The following SMYD3 variants were observed in gnomAD, a reference collection of about 807,000 sequenced individuals.
SMYD3 encodes histone-lysine N-methyltransferase SMYD3.
A neutral mutation model predicts 57.7 loss-of-function variants in SMYD3; 36 were observed. The observed-to-expected ratio is 0.62, with a 90% CI of 0.48 to 0.82. The LOEUF (loss-of-function observed/expected upper bound fraction) is 0.82. Ranked by LOEUF, SMYD3 falls within the 40% of genes least tolerant of loss-of-function variation. SMYD3 has a pLI of 0.00. For synonymous variants in SMYD3, 211 were observed against 195.0 expected (o/e 1.08, Z -0.68); for missense variants, 515 against 538.8 (o/e 0.96, Z 0.44).
At chr1:246,017,632 T>C (rs2059400299) in intron 5 of SMYD3, among the ~76,000 whole-genome samples, 1 of 152,296 alleles carries the variant, frequency 6.6e-6, no homozygotes, top group African/African-American at 2.4e-5. Context: ...CTTCAATCAG[T>C]CTTATTACTG....
chr1:246,240,233 T>G (rs530988608), intron 5 of SMYD3, among the ~76,000 whole-genome samples: 127 of 152,342 alleles, frequency 8.3e-4, no homozygotes, highest in African/African-American at 2.9e-3. Flanking sequence ...GGTCTAACAT[T>G]TAAGTCTTTA....
chr1:246,363,346 G>T (rs2066037994), intron 1 of SMYD3, among the ~76,000 whole-genome samples: 1 of 147,414 alleles, frequency 6.8e-6, no homozygotes, highest in South Asian at 2.2e-4. Flanking sequence ...GGAGGTGAGG[G>T]GCGCCTCTGC....
At chr1:245,781,747 G>T (rs971733014) in intron 10 of SMYD3, among the ~76,000 whole-genome samples, 1 of 152,140 alleles carries the variant, frequency 6.6e-6, no homozygotes, top group Non-Finnish European at 1.5e-5. Context: ...TTGGGAGGCC[G>T]AGCACTGGGG....
At chr1:245,966,200 C>T (rs556830282) in intron 5 of SMYD3, among the ~76,000 whole-genome samples, 1 of 152,222 alleles carries the variant, frequency 6.6e-6, no homozygotes, top group Admixed American at 6.5e-5. Flanking sequence ...GAGACAGGGT[C>T]TCACTCTGTT....
intron 5 of SMYD3, among the ~76,000 whole-genome samples, chr1:246,320,404 G>A (rs891379577): frequency 1.3e-5 from 2 of 152,070 alleles, no homozygotes; most frequent in African/African-American, 4.8e-5. Context: ...GAAAGAAGGA[G>A]AGAACATCTT....
intron 1 of SMYD3, among the ~76,000 whole-genome samples, chr1:246,498,251 C>A (rs2068395148): frequency 6.6e-6 from 1 of 152,044 alleles, no homozygotes; most frequent in Admixed American, 6.5e-5. Flanking sequence ...GAGCAATATG[C>A]ACAATTGCAA....
intron 1 of SMYD3, among the ~76,000 whole-genome samples, chr1:246,384,551 A>G (rs1464560732): frequency 2.0e-5 from 3 of 151,988 alleles, no homozygotes; most frequent in Admixed American, 6.6e-5. Flanking sequence ...GCCCGCCACC[A>G]CGCCCGGCTA....
At chr1:246,298,405 T>C (rs1474836646) in intron 5 of SMYD3, among the ~76,000 whole-genome samples, 1 of 152,160 alleles carries the variant, frequency 6.6e-6, no homozygotes, top group Non-Finnish European at 1.5e-5. Flanking sequence ...TAATGCCTAA[T>C]GAACTCATTT....
At position 245,766,725 on chromosome 1, in the gene SMYD3, A is replaced by G. The variant is rs140010188; in HGVS notation, c.1077-2576T>C. 6.5e-3 allele frequency among the ~76,000 whole-genome samples: 997 copies of G among 152,302 alleles called. 11 individuals carry two copies. Among genetic ancestry groups the G allele is most frequent in the African/African-American group, 0.022 (899 of 41,552 alleles). On this transcript the variant is annotated intron_variant, in intron 10 of 11. Coordinates refer to ENST00000490107, the MANE Select transcript of SMYD3 (RefSeq NM_001167740.2). ...AACTTAAAGGCCAAAAAGTGATCTTACACTAATCATCACTCCACTAAGTAG... is the reference window on the plus strand; with the variant it reads ...AACTTAAAGGCCAAAAAGTGATCTTGCACTAATCATCACTCCACTAAGTAG...
chr1:246,096,731 C>T (rs1376518090), intron 5 of SMYD3, among the ~76,000 whole-genome samples: 7 of 152,178 alleles, frequency 4.6e-5, no homozygotes, highest in Admixed American at 6.5e-5. Flanking sequence ...AAAGGATTCA[C>T]GGTTCTTGCA....
chr1:246,363,895 G>A (rs2066052637), intron 1 of SMYD3, among the ~76,000 whole-genome samples: 1 of 151,716 alleles, frequency 6.6e-6, no homozygotes, highest in African/African-American at 2.4e-5. Context: ...CCCCCTCTGT[G>A]AGAAACACCC....
chr1:245,889,240 A>G (rs548339322), intron 8 of SMYD3, among the ~76,000 whole-genome samples: 3 of 152,218 alleles, frequency 2.0e-5, no homozygotes, highest in African/African-American at 7.2e-5. Flanking sequence ...AGATAAGGGG[A>G]AAATGTACTT....
At chr1:246,188,167 C>T (rs1247517247) in intron 5 of SMYD3, among the ~76,000 whole-genome samples, 2 of 152,128 alleles carry the variant, frequency 1.3e-5, no homozygotes, top group African/African-American at 4.8e-5. Context: ...AGAATGTTGT[C>T]GTGTCTGGCA....
chr1:246,060,271 G>C (rs192395734), intron 5 of SMYD3, among the ~76,000 whole-genome samples: 7 of 151,982 alleles, frequency 4.6e-5, no homozygotes, highest in African/African-American at 1.7e-4. Flanking sequence ...CTGGGCAACA[G>C]AGCGAGACTG....
At chr1:246,452,995 A>T (rs1306874634) in intron 1 of SMYD3, among the ~76,000 whole-genome samples, 1 of 152,214 alleles carries the variant, frequency 6.6e-6, no homozygotes, top group African/African-American at 2.4e-5. Context: ...GGGAAAAAAA[A>T]TCTTATGTGA....
chr1:246,023,358 C>T (rs1392394914), intron 5 of SMYD3, among the ~76,000 whole-genome samples: 9 of 152,144 alleles, frequency 5.9e-5, no homozygotes, highest in Admixed American at 5.2e-4. Context: ...ATATAGCTAG[C>T]TCTCGCAGAT....
chr1:246,210,157 G>A (rs2063064112), intron 5 of SMYD3, among the ~76,000 whole-genome samples: 1 of 152,118 alleles, frequency 6.6e-6, no homozygotes, highest in African/African-American at 2.4e-5. Context: ...CAAGTGTGGG[G>A]CTGAGAAAGC....
chr1:246,399,529 C>G (rs1160724754), intron 1 of SMYD3, among the ~76,000 whole-genome samples: 1 of 151,942 alleles, frequency 6.6e-6, no homozygotes, highest in Non-Finnish European at 1.5e-5. Flanking sequence ...CTTCTTTGTA[C>G]TTTTGGGTTT....
intron 5 of SMYD3, among the ~76,000 whole-genome samples, chr1:246,009,787 C>T (rs1013418919): frequency 7.3e-6 from 1 of 136,902 alleles, no homozygotes; most frequent in Admixed American, 7.5e-5. Context: ...TGGAATATGA[C>T]GTTGTCTCAT....
Sources: allele counts gnomAD v4.1 joint callset (sites outside exome capture counted in the v4.1 genomes callset), GRCh38; gene constraint gnomAD v4.1.1; transcripts MANE v1.5; gene names NCBI Gene and HGNC (gene_info 2026-07-23, HGNC 2026-07-21).